The following IQGAP1 variants were observed in gnomAD, a reference collection of about 807,000 sequenced individuals.
The protein encoded by IQGAP1 is IQ motif containing GTPase activating protein 1.
In IQGAP1, 66 loss-of-function variants were observed where a neutral mutation model predicts 215.6. That is an observed-to-expected ratio of 0.31 (90% CI 0.25 to 0.38). The LOEUF (loss-of-function observed/expected upper bound fraction) is 0.38, where lower values mean the gene tolerates loss of function less well. Among genes scored for constraint, IQGAP1 ranks in the 10% least tolerant of loss-of-function variants. IQGAP1 has a pLI of 1.00. For synonymous variants in IQGAP1, 772 were observed against 728.7 expected (o/e 1.06, Z -0.96); for missense variants, 1,712 against 1,997.1 (o/e 0.86, Z 2.72).
At chr15:90,390,742 C>T (rs1030839763) in intron 1 of IQGAP1, 32 bp from the exon 2 acceptor site, 2 of 1,402,206 alleles carry the variant, frequency 1.4e-6, no homozygotes, top group Non-Finnish European at 1.0e-6. Context: ...GCTACAGATC[C>T]TGGTGTTTAC....
chr15:90,422,457 T>C (rs1182901078), intron 2 of IQGAP1, among the ~76,000 whole-genome samples: 1 of 151,914 alleles, frequency 6.6e-6, no homozygotes, highest in Non-Finnish European at 1.5e-5. Flanking sequence ...TATTATTTAA[T>C]GGTTGAAAAC....
Position 90,415,276 on chromosome 15 carries a change from C to T in IQGAP1, c.156-10834C>T, listed in dbSNP as rs149654272. Among the ~76,000 whole-genome samples, 277 of 152,072 alleles carry T rather than the reference C, an allele frequency of 1.8e-3. 1 individual carries two copies. The highest frequency in any genetic ancestry group is 3.4e-3 in the Middle Eastern group (1 of 294). On this transcript the variant is annotated intron_variant, in intron 2 of 37. Transcript: ENST00000268182. ...CATATTTTTCTAGGGAAATGTTTGC[C>T]ATTTTATTTCAAGTGTTTAAAATGT...
rs141097316 is a variant in IQGAP1 at position 90,499,878 on chromosome 15, A to G, written c.4861-117A>G. On this transcript the variant is annotated intron_variant, in intron 37 of 37. Coordinates refer to ENST00000268182, the MANE Select transcript of IQGAP1 (RefSeq NM_003870.4). Reference sequence around the variant, plus strand: ...TTTCGCCCCAGTTCACATCTGGCACACAAGGCAGGCCTCAGTCCATCTGGA... The same window carrying G: ...TTTCGCCCCAGTTCACATCTGGCACGCAAGGCAGGCCTCAGTCCATCTGGA... 2.6e-3 allele frequency: 1,688 copies of G among 655,364 alleles called. 20 individuals are homozygous for G. In the African/African-American group the frequency reaches 0.028, roughly 11 times the overall value. The allele number at this position is 655,364 out of a possible 1,614,324, so 40.6% of individuals were successfully genotyped here.
intron 3 of IQGAP1, among the ~76,000 whole-genome samples, chr15:90,427,693 T>C (rs1430644352): frequency 6.6e-6 from 1 of 151,850 alleles, no homozygotes; most frequent in Non-Finnish European, 1.5e-5. Context: ...TGAGCTGAGA[T>C]AGCACCACTG....
chr15:90,446,487 CT>C (rs1419263555), intron 9 of IQGAP1, among the ~76,000 whole-genome samples: 2 of 152,182 alleles, frequency 1.3e-5, no homozygotes, highest in Non-Finnish European at 2.9e-5. Flanking sequence ...ATGATGACTT[CT>C]GCTTAGAAGT....
chr15:90,463,009 A>G (rs895664698), intron 15 of IQGAP1, among the ~76,000 whole-genome samples: 1 of 152,132 alleles, frequency 6.6e-6, no homozygotes, highest in African/African-American at 2.4e-5. Context: ...TTGTCATTTT[A>G]TTCAGTCTAA....
chr15:90,452,791 A>C lies in IQGAP1; in HGVS notation c.1179A>C (p.Ala393=). Residue 393 remains alanine, a synonymous_variant, in exon 12 of 38, where the codon GCA becomes GCC. Transcript: ENST00000268182. ...QQYQRRLAAV[A]LINAAIQKGV... ...TTTACACAGGATTGGCAGCAGTAGC[A>C]CTGATTAATGCTGCAATCCAGAAGG... 1 of 1,614,136 alleles carries C rather than the reference A, an allele frequency of 6.2e-7. No homozygotes were observed. Among genetic ancestry groups the C allele is most frequent in the Non-Finnish European group, 8.5e-7 (1 of 1,179,980 alleles).
At position 90,392,748 on chromosome 15, in the gene IQGAP1, CTTTTTTTT is replaced by C. The variant is rs10701656; in HGVS notation, c.155+1885_155+1892del. 1.2e-3 allele frequency among the ~76,000 whole-genome samples: 147 copies of C among 117,808 alleles called. 5 individuals carry two copies. The highest frequency in any genetic ancestry group is 4.6e-4 in the Non-Finnish European group (28 of 60,888). The allele number at this position is 117,808 out of a possible 152,430, so 77.3% of individuals were successfully genotyped here. A position where few individuals can be genotyped will look rare whatever the true frequency, so the allele number is the denominator to read the frequency against. Reference sequence around the variant, plus strand: ...TTTCTTGATTGAAGAATGTTTCTATCTTTTTTTTTTTTTTTTTGTACAGTCTCGCTCTG... The same window carrying C: ...TTTCTTGATTGAAGAATGTTTCTATCTTTTTTTTTGTACAGTCTCGCTCTG... On this transcript the variant is annotated intron_variant, in intron 2 of 37. Transcript: ENST00000268182.
intron 37 of IQGAP1, 108 bp downstream of exon 37, chr15:90,497,448 CA>C: frequency 1.5e-6 from 1 of 651,934 alleles, no homozygotes; most frequent in Non-Finnish European, 2.8e-6. Context: ...CTACATTCAG[CA>C]GTGAGCTAGG....
At chr15:90,391,022 ACCCAG>A (rs960600758) in intron 2 of IQGAP1, 149 bp downstream of exon 2, 47 of 578,588 alleles carry the variant, frequency 8.1e-5, no homozygotes, top group African/African-American at 1.5e-4. Flanking sequence ...AATCACTTGA[ACCCAG>A]CTGTTTGAGA....
At chr15:90,463,817 A>G (rs1486857564) in intron 15 of IQGAP1, among the ~76,000 whole-genome samples, 1 of 152,244 alleles carries the variant, frequency 6.6e-6, no homozygotes, top group African/African-American at 2.4e-5. Flanking sequence ...TGCATTTAAG[A>G]GAAATCACTG....
intron 2 of IQGAP1, among the ~76,000 whole-genome samples, chr15:90,411,417 A>G (rs923376349): frequency 3.9e-5 from 6 of 152,146 alleles, no homozygotes; most frequent in Non-Finnish European, 8.8e-5. Context: ...AAGTGCTGGG[A>G]TTATAGGCGT....
At chr15:90,397,200 A>T (rs1391873075) in intron 2 of IQGAP1, among the ~76,000 whole-genome samples, 2 of 152,226 alleles carry the variant, frequency 1.3e-5, no homozygotes, top group African/African-American at 4.8e-5. Flanking sequence ...ACTAGTTAGT[A>T]CCCATTATTA....
rs375611796 is a variant in IQGAP1, at chr15:90,455,494, G to A, written c.1613-658G>A. Among the ~76,000 whole-genome samples, 17 of 152,226 alleles carry A rather than the reference G, an allele frequency of 1.1e-4. No individual in the cohort carries two copies. In the South Asian group the frequency reaches 2.5e-3, roughly 22 times the overall value. ...TCAGGATATCCCAAGGGTCTTAGACGCTCCCCCAGAGACAAAGACCAGCCA... is the reference window on the plus strand; with the variant it reads ...TCAGGATATCCCAAGGGTCTTAGACACTCCCCCAGAGACAAAGACCAGCCA... On this transcript the variant is annotated intron_variant, in intron 14 of 37. Transcript: ENST00000268182.
At chr15:90,443,688 A>G (rs778253167) in intron 9 of IQGAP1, among the ~76,000 whole-genome samples, 25 of 152,204 alleles carry the variant, frequency 1.6e-4, no homozygotes, top group Admixed American at 1.3e-4. Flanking sequence ...CTACACTGAC[A>G]GTAGCATCAT....
intron 15 of IQGAP1, among the ~76,000 whole-genome samples, chr15:90,457,301 C>A (rs1965698311): frequency 6.6e-6 from 1 of 152,168 alleles, no homozygotes; most frequent in South Asian, 2.1e-4. Context: ...GATATGCATC[C>A]ATGTGGTTGC....
Position 90,492,569 on chromosome 15 carries a change from C to T in IQGAP1, c.4486C>T (p.Arg1496Ter), listed in dbSNP as rs767079084. ...GGATATTCGGAATCAGCGGAGGTAC[C>T]GACAGAGGAGAAAGGCCGAACTAGT... ...ARDIRNQRRY[R>*]QRRKAELVKL... The change falls in exon 35 of 38, where the codon CGA (arginine) becomes TGA (stop). Residue 1496 changes from arginine (R) to a stop codon, truncating the protein, a stop_gained. Coordinates refer to ENST00000268182, the MANE Select transcript of IQGAP1 (RefSeq NM_003870.4). LOFTEE classifies it high-confidence loss of function. The T allele has an allele frequency of 1.9e-6, 3 of 1,608,968 alleles. No homozygotes were observed. The highest frequency in any genetic ancestry group is 2.5e-6 in the Non-Finnish European group (3 of 1,178,540).
At chr15:90,465,721 G>T (rs1337301378) in intron 15 of IQGAP1, among the ~76,000 whole-genome samples, 3 of 150,760 alleles carry the variant, frequency 2.0e-5, no homozygotes, top group African/African-American at 7.3e-5. Context: ...AGAGAGACGG[G>T]GTCTCACTAT....
intron 11 of IQGAP1, among the ~76,000 whole-genome samples, chr15:90,451,499 A>G (rs193171944): frequency 3.2e-4 from 48 of 152,256 alleles, no homozygotes; most frequent in African/African-American, 1.1e-3. Context: ...AACCAATCCA[A>G]TCTTGCAAGA....
Sources: gnomAD v4.1 joint callset for allele counts (sites outside exome capture counted in the v4.1 genomes callset) on GRCh38, gnomAD v4.1.1 for gene constraint, MANE v1.5 for transcripts, NCBI Gene and HGNC (gene_info 2026-07-23, HGNC 2026-07-21) for gene names.